Variants in PARD3 observed in about 807,000 individuals in gnomAD.
PARD3 encodes par-3 family cell polarity regulator.
PARD3 carries 75 observed loss-of-function variants against 155.4 expected under a neutral mutation model. The observed-to-expected ratio is 0.48, with a 90% confidence interval of 0.40 to 0.58. PARD3 has a LOEUF of 0.58. PARD3 is among the 20% of genes least tolerant of loss of function. The pLI is 0.00. For synonymous variants in PARD3, 576 were observed against 610.5 expected, an observed-to-expected ratio of 0.94 and a Z score of 0.83; for missense variants, 1,642 against 1,721.7, an observed-to-expected ratio of 0.95 and a Z score of 0.82.
chr10:34,464,438 A>G (rs1180808163), intron 4 of PARD3, among the ~76,000 whole-genome samples: 1 of 152,152 alleles, frequency 6.6e-6, no homozygotes, highest in African/African-American at 2.4e-5. Context: ...ATTAGCCTAG[A>G]ATTTATGTGA....
chr10:34,683,105 T>C (rs912496860), intron 2 of PARD3, among the ~76,000 whole-genome samples: 3 of 152,168 alleles, frequency 2.0e-5, no homozygotes, highest in African/African-American at 7.2e-5. Context: ...TAGATGGAAC[T>C]GGAAGCCAAC....
intron 22 of PARD3, among the ~76,000 whole-genome samples, chr10:34,224,158 G>A (rs1399596910): frequency 2.0e-5 from 3 of 152,136 alleles, no homozygotes; most frequent in African/African-American, 7.2e-5. Flanking sequence ...TTATATTCCT[G>A]TCTCAAAACA....
chr10:34,643,225 G>T (rs1161620272), intron 2 of PARD3, among the ~76,000 whole-genome samples: 2 of 152,234 alleles, frequency 1.3e-5, no homozygotes, highest in African/African-American at 2.4e-5. Flanking sequence ...CTCACCTGGA[G>T]CCCCCTCGTC....
intron 2 of PARD3, among the ~76,000 whole-genome samples, chr10:34,576,591 C>T (rs2086905752): frequency 6.6e-6 from 1 of 151,970 alleles, no homozygotes; most frequent in Non-Finnish European, 1.5e-5. Context: ...TTCCATTTCA[C>T]CCCTCTGCCC....
rs59405082 is a variant in PARD3, at chr10:34,356,622, T to C, written c.2067+2525A>G. ...CTCAGCACATTATTTTGGCTTGAGA[T>C]TTGTTCAGGACAGCAGGATGCCCTG... On this transcript the variant is annotated intron_variant, in intron 14 of 24. Transcript: ENST00000374788. Among the ~76,000 whole-genome samples, 559 of 152,306 alleles carry C rather than the reference T, an allele frequency of 3.7e-3. 1 individual carries two copies. Among genetic ancestry groups the C allele is most frequent in the African/African-American group, 0.012 (518 of 41,564 alleles).
chr10:34,769,530 T>TG (rs1838564728), intron 1 of PARD3, among the ~76,000 whole-genome samples: 1 of 151,864 alleles, frequency 6.6e-6, no homozygotes, highest in Non-Finnish European at 1.5e-5. Context: ...CTGAGGCAGG[T>TG]GGATCACTTG....
At chr10:34,619,783 C>T (rs1198589260) in intron 2 of PARD3, among the ~76,000 whole-genome samples, 1 of 152,132 alleles carries the variant, frequency 6.6e-6, no homozygotes, top group Non-Finnish European at 1.5e-5. Flanking sequence ...TACTGCTCAC[C>T]CTTTACCTGA....
intron 5 of PARD3, among the ~76,000 whole-genome samples, chr10:34,449,463 A>T (rs1280201922): frequency 1.0e-5 from 1 of 96,268 alleles, no homozygotes. Context: ...AGGTGGGGGG[A>T]GGGGGGAGGG....
intron 22 of PARD3, among the ~76,000 whole-genome samples, chr10:34,244,522 G>C (rs934443764): frequency 9.2e-5 from 14 of 152,110 alleles, no homozygotes; most frequent in African/African-American, 3.4e-4. Context: ...ACTGGCTTAA[G>C]AAATTCACCA....
chr10:34,348,720 T>C (rs977005563), intron 14 of PARD3, among the ~76,000 whole-genome samples: 17 of 152,276 alleles, frequency 1.1e-4, no homozygotes, highest in Middle Eastern at 3.4e-3. Context: ...AATGTTTAAG[T>C]ACAAGATAGT....
intron 3 of PARD3, among the ~76,000 whole-genome samples, chr10:34,487,383 T>G (rs2079547924): frequency 6.6e-6 from 1 of 152,058 alleles, no homozygotes; most frequent in Non-Finnish European, 1.5e-5. Context: ...AAATGTTTGT[T>G]AAAGTGTTAC....
At chr10:34,489,263 T>C (rs1312745974) in intron 3 of PARD3, among the ~76,000 whole-genome samples, 2 of 152,162 alleles carry the variant, frequency 1.3e-5, no homozygotes, top group African/African-American at 2.4e-5. Context: ...AAGAATCGTT[T>C]GAACTGGAAG....
chr10:34,680,133 T>C (rs1166521480), intron 2 of PARD3, among the ~76,000 whole-genome samples: 2 of 151,820 alleles, frequency 1.3e-5, no homozygotes, highest in African/African-American at 2.4e-5. Context: ...AATGGAGAAA[T>C]AGGTCTCTAG....
intron 2 of PARD3, among the ~76,000 whole-genome samples, chr10:34,564,147 C>T (rs2085733223): frequency 6.6e-6 from 1 of 152,158 alleles, no homozygotes; most frequent in Admixed American, 6.5e-5. Context: ...TTAATTTCAA[C>T]CCCAAAGCAT....
At chr10:34,202,567 A>G (rs2133347374) in intron 22 of PARD3, among the ~76,000 whole-genome samples, 1 of 152,344 alleles carries the variant, frequency 6.6e-6, no homozygotes, top group Non-Finnish European at 1.5e-5. Context: ...TGACTTCACC[A>G]CATCACACAG....
intron 7 of PARD3, among the ~76,000 whole-genome samples, chr10:34,384,817 T>C (rs562033012): frequency 2.0e-5 from 3 of 152,318 alleles, no homozygotes; most frequent in Non-Finnish European, 2.9e-5. Context: ...TCAAAACCTG[T>C]CAGGTCTCCC....
At chr10:34,712,488 T>C (rs947706691) in intron 1 of PARD3, among the ~76,000 whole-genome samples, 3 of 152,180 alleles carry the variant, frequency 2.0e-5, no homozygotes, top group African/African-American at 7.2e-5. Flanking sequence ...TCCTGCAAGA[T>C]CAATGTTTTC....
At chr10:34,802,465 C>T (rs1842913265) in intron 1 of PARD3, among the ~76,000 whole-genome samples, 1 of 152,106 alleles carries the variant, frequency 6.6e-6, no homozygotes, top group African/African-American at 2.4e-5. Flanking sequence ...GGGGCATTGT[C>T]TACAGTGAAT....
chr10:34,339,972 C>T lies in PARD3; in HGVS notation c.2408+1655G>A, dbSNP rs1178003297. Among the ~76,000 whole-genome samples the T allele has an allele frequency of 2.0e-5, 3 of 152,228 alleles. No individual in the cohort carries two copies. In the East Asian group the frequency reaches 5.8e-4, roughly 29 times the overall value. On this transcript the variant is annotated intron_variant, in intron 16 of 24. Transcript: ENST00000374788. The stretch of plus-strand genomic sequence containing the variant: ...CAGTTATTAATCCTGTCTTATTGGC[C>T]TTTTGTTTTCATAGCATTTTCATCA...
Sources: gnomAD v4.1 joint callset for allele counts (sites outside exome capture counted in the v4.1 genomes callset) on GRCh38, gnomAD v4.1.1 for gene constraint, MANE v1.5 for transcripts, NCBI Gene and HGNC (gene_info 2026-07-23, HGNC 2026-07-21) for gene names.